Variants in FRMD6 observed in about 807,000 individuals in gnomAD.
FRMD6 encodes FERM domain-containing protein 6.
FRMD6 carries 37 observed loss-of-function variants against 73.2 expected under a neutral mutation model. That is an observed-to-expected ratio of 0.51 (90% CI 0.39 to 0.66). The LOEUF (loss-of-function observed/expected upper bound fraction) is 0.66, where lower values mean the gene tolerates loss of function less well. FRMD6 is among the 30% of genes least tolerant of loss of function. FRMD6 has a pLI of 0.00. For synonymous variants in FRMD6, 273 were observed against 282.2 expected (o/e 0.97, Z 0.33); for missense variants, 714 against 780.5 (o/e 0.91, Z 1.02).
At chr14:51,445,474 ATTT>A in the FRMD6 span, among the ~76,000 whole-genome samples, 260 of 149,466 alleles carry the variant, frequency 1.7e-3, no homozygotes, top group African/African-American at 5.6e-3. Flanking sequence ...CAGAAGTGCA[ATTT>A]TTTTTTTTTT....
the FRMD6 span, among the ~76,000 whole-genome samples, chr14:51,411,904 A>G: frequency 6.6e-6 from 1 of 152,332 alleles, no homozygotes; most frequent in Admixed American, 6.5e-5. Context: ...ACACATGCTA[A>G]AAGGAAAGCA....
intron 2 of FRMD6, among the ~76,000 whole-genome samples, chr14:51,642,780 C>G (rs969755999): frequency 1.3e-5 from 2 of 152,134 alleles, no homozygotes; most frequent in African/African-American, 4.8e-5. Flanking sequence ...TGTAAAGCTC[C>G]AGGACTAGAG....
At chr14:51,663,237 C>A (rs139598530) in intron 1 of FRMD6, among the ~76,000 whole-genome samples, 3 of 152,192 alleles carry the variant, frequency 2.0e-5, no homozygotes, top group African/African-American at 7.2e-5. Flanking sequence ...AACAGAAATA[C>A]AGTTAGACTC....
chr14:51,675,666 G>A (rs1326529336), intron 1 of FRMD6, among the ~76,000 whole-genome samples: 1 of 152,144 alleles, frequency 6.6e-6, no homozygotes, highest in African/African-American at 2.4e-5. Context: ...AGTCTTGTTC[G>A]ATTTTCCAGA....
At chr14:51,399,523 A>C in the FRMD6 span, among the ~76,000 whole-genome samples, 1 of 152,224 alleles carries the variant, frequency 6.6e-6, no homozygotes, top group Admixed American at 6.5e-5. Flanking sequence ...ATTGTTTCCA[A>C]AATATAACTT....
intron 2 of FRMD6, chr14:51,637,434 T>C (rs950945804): frequency 6.6e-6 from 1 of 151,232 alleles, no homozygotes; most frequent in Non-Finnish European, 1.5e-5. Flanking sequence ...GTCATTCTTT[T>C]ATTTTAGGAT....
chr14:51,658,549 C>T (rs1381271039), intron 1 of FRMD6, among the ~76,000 whole-genome samples: 4 of 152,132 alleles, frequency 2.6e-5, no homozygotes, highest in Admixed American at 6.5e-5. Context: ...TGCCTTTATG[C>T]TTCTCCCTCT....
intron 1 of FRMD6, among the ~76,000 whole-genome samples, chr14:51,496,211 C>T (rs1883283528): frequency 6.6e-6 from 1 of 152,166 alleles, no homozygotes; most frequent in African/African-American, 2.4e-5. Flanking sequence ...AGCAGAATCC[C>T]AAACCACACC....
intron 2 of FRMD6, among the ~76,000 whole-genome samples, chr14:51,615,907 A>G (rs1890689446): frequency 6.6e-6 from 1 of 152,250 alleles, no homozygotes; most frequent in South Asian, 2.1e-4. Flanking sequence ...ATGTGGAACT[A>G]GAGATACAGG....
In FRMD6 at chr14:51,623,810, T is replaced by C. The variant is rs115655555; in HGVS notation, c.-147+53400T>C. ...AAGCTTGTGTTTACTATAGTTGTAG[T>C]AGACATTCAATACATGTTGAATAAA... On this transcript the variant is annotated intron_variant, in intron 2 of 14. Coordinates refer to the FRMD6 transcript ENST00000356218. Among the ~76,000 whole-genome samples, 467 of 152,296 alleles carry C rather than the reference T, an allele frequency of 3.1e-3. 3 individuals carry two copies. Among genetic ancestry groups the C allele is most frequent in the African/African-American group, 0.01 (436 of 41,546 alleles).
At chr14:51,692,774 A>G (rs1434825646) in intron 2 of FRMD6, 1 of 152,152 alleles carries the variant, frequency 6.6e-6, no homozygotes, top group Admixed American at 6.6e-5. Context: ...ACTACCCTGA[A>G]TGTTGCCTGA....
chr14:51,441,116 A>G, the FRMD6 span, among the ~76,000 whole-genome samples: 2 of 152,264 alleles, frequency 1.3e-5, no homozygotes, highest in Admixed American at 1.3e-4. Context: ...ACCAGCAGGC[A>G]TGGAGTCACT....
rs192534519 is a variant in FRMD6, at chr14:51,560,495, G to A, written c.-209-9853G>A. On this transcript the variant is annotated intron_variant, in intron 1 of 14. Coordinates refer to the FRMD6 transcript ENST00000356218. ...TGCATTGATCCTACTTTGTTTGTCT[G>A]TTTTTTGAGACCAAGTTTCGCTCTT... Among the ~76,000 whole-genome samples the A allele has an allele frequency of 1.2e-3, 177 of 152,124 alleles. 1 individual carries two copies. Among genetic ancestry groups the A allele is most frequent in the Non-Finnish European group, 1.2e-4 (8 of 67,948 alleles).
intron 1 of FRMD6, among the ~76,000 whole-genome samples, chr14:51,551,427 T>C (rs1448166336): frequency 6.6e-6 from 1 of 152,224 alleles, no homozygotes; most frequent in East Asian, 1.9e-4. Context: ...GTCACCTTGG[T>C]GGATAGCCTT....
intron 1 of FRMD6, among the ~76,000 whole-genome samples, chr14:51,664,480 A>G (rs1465644742): frequency 6.6e-6 from 1 of 152,256 alleles, no homozygotes; most frequent in African/African-American, 2.4e-5. Flanking sequence ...TAAAATGCTA[A>G]CACATAGGCC....
Position 51,720,069 on chromosome 14 carries a change from C to T in FRMD6, c.1039C>T (p.Arg347Trp), listed in dbSNP as rs139449598. The T allele has an allele frequency of 5.0e-6, 8 of 1,611,876 alleles. No homozygotes were observed. The highest frequency in any genetic ancestry group is 6.8e-6 in the Non-Finnish European group (8 of 1,178,852). ...CCACCACGTAGAGAAGAAGCAGTAC[C>T]GGGAATCTTACATCAGTGACAACCT... The part of the protein sequence containing the change: ...LEENEEKKQY[R>W]ESYISDNLDL... The change falls in exon 11 of 14, where the codon CGG (arginine) becomes TGG (tryptophan). Residue 347 changes from arginine to tryptophan, a missense_variant. Coordinates refer to ENST00000344768, the MANE Select transcript of FRMD6 (RefSeq NM_001267046.2).
chr14:51,553,608 G>A (rs1886956186), intron 1 of FRMD6, among the ~76,000 whole-genome samples: 1 of 152,134 alleles, frequency 6.6e-6, no homozygotes, highest in Non-Finnish European at 1.5e-5. Context: ...GCTAAAAGGA[G>A]CTAAAAGGTG....
At chr14:51,711,423 T>G in intron 7 of FRMD6, 108 bp from the exon 8 acceptor site, 1 of 654,122 alleles carries the variant, frequency 1.5e-6, no homozygotes, top group Non-Finnish European at 2.5e-6. Flanking sequence ...AGTCAAAAAC[T>G]TTTCAGTCCT....
At chr14:51,727,714 A>G (rs943009750) in intron 13 of FRMD6, 31 bp from the exon 14 acceptor site, 22 of 1,566,994 alleles carry the variant, frequency 1.4e-5, no homozygotes, top group African/African-American at 4.1e-5. Context: ...CTTTCACTTT[A>G]AAGTTGTTTC....
Sources: gnomAD v4.1 joint callset for allele counts (sites outside exome capture counted in the v4.1 genomes callset) on GRCh38, gnomAD v4.1.1 for gene constraint, MANE v1.5 for transcripts, NCBI Gene and HGNC (gene_info 2026-07-23, HGNC 2026-07-21) for gene names.